The following PTPN4 variants were observed in gnomAD, a reference collection of about 807,000 sequenced individuals.
The protein encoded by PTPN4 is tyrosine-protein phosphatase non-receptor type 4.
PTPN4 carries 49 observed loss-of-function variants against 135.5 expected under a neutral mutation model. That is an observed-to-expected ratio of 0.36 (90% confidence interval 0.29 to 0.46). PTPN4 has a LOEUF of 0.46. Among genes scored for constraint, PTPN4 ranks in the 20% least tolerant of loss-of-function variants. The pLI is 1.00. For missense variants in PTPN4, 860 were observed against 1,101.0 expected (o/e 0.78, Z 3.10); for synonymous variants, 333 against 369.9 (o/e 0.90, Z 1.14).
rs1679689471 is a variant in PTPN4, at chr2:119,981,355, T to A, written c.*4285T>A. On this transcript the variant is annotated 3_prime_UTR_variant, in exon 27 of 27. Coordinates refer to ENST00000263708, the MANE Select transcript of PTPN4 (RefSeq NM_002830.4). Reference sequence around the variant, plus strand: ...AACATTGCTTACTTCCCCCATTTGCTTCACCTATCTGACTACAATTGCTGG... The same window carrying A: ...AACATTGCTTACTTCCCCCATTTGCATCACCTATCTGACTACAATTGCTGG... 1 of 152,074 alleles carries A rather than the reference T, an allele frequency of 6.6e-6. No individual in the cohort carries two copies. The highest frequency in any genetic ancestry group is 2.1e-4 in the South Asian group (1 of 4,834). The allele number at this position is 152,074 out of a possible 1,614,324, so 9.4% of individuals were successfully genotyped here. A position where few individuals can be genotyped will look rare whatever the true frequency, so the allele number is the denominator to read the frequency against.
intron 13 of PTPN4, among the ~76,000 whole-genome samples, chr2:119,928,245 T>C (rs746219591): frequency 6.6e-6 from 1 of 152,192 alleles, no homozygotes; most frequent in Admixed American, 6.5e-5. Flanking sequence ...GATTGTAAAC[T>C]GTAAACTTAA....
intron 25 of PTPN4, among the ~76,000 whole-genome samples, chr2:119,967,487 C>A (rs1186941939): frequency 1.3e-5 from 2 of 151,890 alleles, no homozygotes; most frequent in Admixed American, 6.6e-5. Context: ...ATATTGTTGT[C>A]TTTTGTGCAT....
intron 19 of PTPN4, among the ~76,000 whole-genome samples, chr2:119,953,461 T>A (rs1017530687): frequency 2.0e-5 from 3 of 152,186 alleles, no homozygotes; most frequent in Non-Finnish European, 4.4e-5. Flanking sequence ...AGAATTGGCT[T>A]TCTAGGAAGA....
Position 119,893,453 on chromosome 2 carries a change from C to T in PTPN4, c.676-7265C>T, listed in dbSNP as rs144008212. Among the ~76,000 whole-genome samples the T allele has an allele frequency of 2.1e-3, 318 of 152,116 alleles. 2 individuals carry two copies. Among genetic ancestry groups the T allele is most frequent in the African/African-American group, 7.3e-3 (305 of 41,504 alleles). The stretch of plus-strand genomic sequence containing the variant: ...AAATTTGAAGAGACGTAAATCCTCA[C>T]GAAAGAGGGGTAGGCAATTCAATTT... On this transcript the variant is annotated intron_variant, in intron 9 of 26. Transcript: ENST00000263708.
At chr2:119,974,702 C>T (rs1383795608) in intron 26 of PTPN4, among the ~76,000 whole-genome samples, 5 of 152,124 alleles carry the variant, frequency 3.3e-5, no homozygotes, top group African/African-American at 7.2e-5. Context: ...CCAAGAAGCC[C>T]GGTTCTTTTT....
At chr2:119,767,945 G>A (rs1477667034) in intron 1 of PTPN4, among the ~76,000 whole-genome samples, 1 of 152,134 alleles carries the variant, frequency 6.6e-6, no homozygotes, top group Non-Finnish European at 1.5e-5. Flanking sequence ...CTGGGAGTGT[G>A]TCAATAGAGC....
At chr2:119,903,799 C>A (rs1442543151) in intron 10 of PTPN4, among the ~76,000 whole-genome samples, 1 of 152,184 alleles carries the variant, frequency 6.6e-6, no homozygotes, top group Non-Finnish European at 1.5e-5. Context: ...GCCATCACCA[C>A]AGCTGGTGCC....
At chr2:119,810,036 C>A in intron 2 of PTPN4, 45 bp downstream of exon 2, 1 of 1,553,938 alleles carries the variant, frequency 6.4e-7, no homozygotes, top group Non-Finnish European at 8.8e-7. Flanking sequence ...GGCTATAAGT[C>A]TGAATTTAGA....
intron 22 of PTPN4, among the ~76,000 whole-genome samples, chr2:119,958,686 C>T (rs1429788337): frequency 6.6e-6 from 1 of 152,156 alleles, no homozygotes; most frequent in Non-Finnish European, 1.5e-5. Context: ...GGGTTAGGTT[C>T]CCCCAGGCCA....
chr2:119,814,032 G>GT (rs1395675632), intron 2 of PTPN4, among the ~76,000 whole-genome samples: 3 of 152,032 alleles, frequency 2.0e-5, no homozygotes, highest in Non-Finnish European at 2.9e-5. Flanking sequence ...ATATGTGTGT[G>GT]TATGTGTGAC....
At chr2:119,784,585 C>T (rs553726181) in intron 1 of PTPN4, among the ~76,000 whole-genome samples, 20 of 151,810 alleles carry the variant, frequency 1.3e-4, no homozygotes, top group Admixed American at 3.9e-4. Flanking sequence ...GACAGGGTTT[C>T]GCTGTGTTAG....
At chr2:119,760,488 C>G (rs1392153771) in intron 1 of PTPN4, 104 bp downstream of exon 1, 1 of 388,454 alleles carries the variant, frequency 2.6e-6, no homozygotes, top group Non-Finnish European at 4.5e-6. Context: ...GTGGGGCAAG[C>G]CGGAGGTACG....
At chr2:119,862,198 A>G (rs1677770788) in intron 2 of PTPN4, among the ~76,000 whole-genome samples, 2 of 152,188 alleles carry the variant, frequency 1.3e-5, no homozygotes, top group Non-Finnish European at 2.9e-5. Flanking sequence ...TATTTATTAT[A>G]TGCTCTTTAA....
rs530317068 is a variant in PTPN4, at chr2:119,784,117, A to G, written c.-18+23733A>G. Among the ~76,000 whole-genome samples, 45 of 152,256 alleles carry G rather than the reference A, an allele frequency of 3.0e-4. 1 individual carries two copies. The highest frequency in any genetic ancestry group is 1.0e-3 in the African/African-American group (42 of 41,542). Reference sequence around the variant, plus strand: ...AAGCATCCTGAGAGTGAGTGTTCCAAGGGAGCTAGATAGAAGCTAAAGGGC... The same window carrying G: ...AAGCATCCTGAGAGTGAGTGTTCCAGGGGAGCTAGATAGAAGCTAAAGGGC... On this transcript the variant is annotated intron_variant, in intron 1 of 26. Coordinates refer to ENST00000263708, the MANE Select transcript of PTPN4 (RefSeq NM_002830.4).
chr2:119,823,532 C>G (rs1677102231), intron 2 of PTPN4, among the ~76,000 whole-genome samples: 1 of 152,040 alleles, frequency 6.6e-6, no homozygotes, highest in South Asian at 2.1e-4. Flanking sequence ...CGTGCCCAGC[C>G]CATCTGTTTC....
At chr2:119,773,628 C>T (rs528177528) in intron 1 of PTPN4, among the ~76,000 whole-genome samples, 2 of 151,204 alleles carry the variant, frequency 1.3e-5, no homozygotes, top group South Asian at 2.1e-4. Flanking sequence ...CCTAACTACT[C>T]AGGAGACTGA....
intron 1 of PTPN4, among the ~76,000 whole-genome samples, chr2:119,761,234 G>A (rs1346392542): frequency 6.6e-6 from 1 of 152,160 alleles, no homozygotes; most frequent in East Asian, 1.9e-4. Context: ...AAAGATAAAA[G>A]GCCAATGTGT....
At chr2:119,786,060 C>A (rs915933461) in intron 1 of PTPN4, among the ~76,000 whole-genome samples, 1 of 152,138 alleles carries the variant, frequency 6.6e-6, no homozygotes, top group African/African-American at 2.4e-5. Flanking sequence ...GGTTTTAATG[C>A]CACTCCAGTC....
chr2:119,878,689 C>CTTTT (rs74600465), intron 5 of PTPN4, among the ~76,000 whole-genome samples: 239 of 129,776 alleles, frequency 1.8e-3, no homozygotes, highest in Middle Eastern at 4.0e-3. Flanking sequence ...GCAGGTGTTC[C>CTTTT]TTTTTTTTTT....
Sources: gnomAD v4.1 joint callset for allele counts (sites outside exome capture counted in the v4.1 genomes callset) on GRCh38, gnomAD v4.1.1 for gene constraint, MANE v1.5 for transcripts, NCBI Gene and HGNC (gene_info 2026-07-23, HGNC 2026-07-21) for gene names.